KLHL3: variants seen among roughly 807,000 people sequenced by gnomAD.
KLHL3 encodes the protein kelch like family member 3.
A neutral mutation model predicts 70.5 loss-of-function variants in KLHL3; 19 were observed. The observed-to-expected ratio is 0.27, with a 90% CI of 0.19 to 0.40. The LOEUF is 0.40. KLHL3 is among the 10% of genes least tolerant of loss of function. KLHL3 has a pLI of 1.00. For missense variants in KLHL3, 512 were observed against 771.1 expected, an observed-to-expected ratio of 0.66 and a Z score of 3.98; for synonymous variants, 258 against 290.3, an observed-to-expected ratio of 0.89 and a Z score of 1.13.
At chr5:137,637,639 T>G (rs543846415) in intron 10 of KLHL3, among the ~76,000 whole-genome samples, 1 of 152,326 alleles carries the variant, frequency 6.6e-6, no homozygotes, top group East Asian at 1.9e-4. Context: ...GGGGTGTGTC[T>G]GAAATGCATG....
intron 2 of KLHL3, among the ~76,000 whole-genome samples, chr5:137,715,330 T>A (rs1752872662): frequency 6.6e-6 from 1 of 152,124 alleles, no homozygotes; most frequent in East Asian, 1.9e-4. Flanking sequence ...CAAGAAATAA[T>A]CCCAAATCCC....
chr5:137,683,136 T>C (rs1236361463), intron 5 of KLHL3, among the ~76,000 whole-genome samples: 1 of 152,170 alleles, frequency 6.6e-6, no homozygotes, highest in African/African-American at 2.4e-5. Context: ...TATCATCCTT[T>C]TAACATTGGG....
intron 8 of KLHL3, among the ~76,000 whole-genome samples, chr5:137,654,785 A>G (rs1751298219): frequency 6.6e-6 from 1 of 152,190 alleles, no homozygotes; most frequent in Admixed American, 6.5e-5. Context: ...TCATTCAGAA[A>G]ATAAATGTTT....
Position 137,645,572 on chromosome 5 carries a change from T to A in KLHL3, c.904-5595A>T, listed in dbSNP as rs545403387. On this transcript the variant is annotated intron_variant, in intron 8 of 14. Coordinates refer to ENST00000309755, the MANE Select transcript of KLHL3 (RefSeq NM_017415.3). Reference sequence around the variant, plus strand: ...CATTAACAATAGCTACAAAAAAAAATAAAATAACTAGGAATAAATTTAACC... The same window carrying A: ...CATTAACAATAGCTACAAAAAAAAAAAAAATAACTAGGAATAAATTTAACC... Among the ~76,000 whole-genome samples the A allele has an allele frequency of 5.5e-4, 83 of 150,838 alleles. 1 individual carries two copies. The East Asian group carries it at 0.015, about 28-fold the overall frequency.
At chr5:137,732,533 G>A (rs896847453) in intron 1 of KLHL3, among the ~76,000 whole-genome samples, 1 of 151,532 alleles carries the variant, frequency 6.6e-6, no homozygotes, top group Non-Finnish European at 1.5e-5. Flanking sequence ...AGCCCTATGG[G>A]GTAACTTACT....
At chr5:137,648,345 C>T (rs1479044099) in intron 8 of KLHL3, among the ~76,000 whole-genome samples, 2 of 152,242 alleles carry the variant, frequency 1.3e-5, no homozygotes, top group East Asian at 3.8e-4. Flanking sequence ...GAGCAAGCCA[C>T]CCACTTCCAG....
intron 1 of KLHL3, among the ~76,000 whole-genome samples, chr5:137,722,866 A>G (rs1001327462): frequency 1.3e-5 from 2 of 152,020 alleles, no homozygotes; most frequent in Non-Finnish European, 2.9e-5. Context: ...GGGGAGTTTC[A>G]CCATGTTGGT....
At chr5:137,715,628 C>G (rs899416548) in intron 2 of KLHL3, among the ~76,000 whole-genome samples, 2 of 152,174 alleles carry the variant, frequency 1.3e-5, no homozygotes, top group Non-Finnish European at 2.9e-5. Context: ...GTTCCTGAAC[C>G]TAGCACAGTG....
At chr5:137,631,925 A>C (rs1188735591) in intron 12 of KLHL3, among the ~76,000 whole-genome samples, 2 of 136,718 alleles carry the variant, frequency 1.5e-5, no homozygotes, top group African/African-American at 2.9e-5. Flanking sequence ...TATATACAGC[A>C]AAATGAAAGG....
intron 1 of KLHL3, among the ~76,000 whole-genome samples, chr5:137,729,406 A>G (rs1215776825): frequency 6.6e-6 from 1 of 152,212 alleles, no homozygotes; most frequent in African/African-American, 2.4e-5. Context: ...ATCATCAGAT[A>G]TCGTCAGCTG....
intron 8 of KLHL3, among the ~76,000 whole-genome samples, chr5:137,645,153 G>T (rs1284523167): frequency 6.6e-6 from 1 of 152,078 alleles, no homozygotes; most frequent in Non-Finnish European, 1.5e-5. Context: ...AGAAATAGAA[G>T]GAATGTAACT....
At chr5:137,700,849 C>T (rs1263977078) in intron 3 of KLHL3, among the ~76,000 whole-genome samples, 2 of 152,104 alleles carry the variant, frequency 1.3e-5, no homozygotes, top group African/African-American at 2.4e-5. Flanking sequence ...AAAATGACTA[C>T]ACCAAACTAA....
At chr5:137,663,661 C>T (rs1751543511) in intron 6 of KLHL3, among the ~76,000 whole-genome samples, 1 of 152,038 alleles carries the variant, frequency 6.6e-6, no homozygotes, top group Non-Finnish European at 1.5e-5. Flanking sequence ...CTTTTCGCAA[C>T]TTTATGGAAT....
At chr5:137,672,831 T>C (rs1751794862) in intron 6 of KLHL3, 1 of 152,256 alleles carries the variant, frequency 6.6e-6, no homozygotes. Context: ...TCACTGAGGA[T>C]GTTCATGGCC....
intron 1 of KLHL3, among the ~76,000 whole-genome samples, chr5:137,730,787 T>C (rs1057449523): frequency 6.6e-6 from 1 of 152,304 alleles, no homozygotes; most frequent in African/African-American, 2.4e-5. Flanking sequence ...AGCCCTTGTA[T>C]GTGTGTGGTT....
At chr5:137,659,226 A>G (rs1243149980) in intron 7 of KLHL3, among the ~76,000 whole-genome samples, 1 of 152,200 alleles carries the variant, frequency 6.6e-6, no homozygotes, top group African/African-American at 2.4e-5. Context: ...AAAATGATGA[A>G]CAAGACAAAA....
intron 6 of KLHL3, 138 bp downstream of exon 6, chr5:137,677,407 C>G: frequency 1.7e-6 from 1 of 573,826 alleles, no homozygotes; most frequent in Non-Finnish European, 3.1e-6. Context: ...GAGATCACAC[C>G]ATCGCACTCC....
chr5:137,627,388 G>C (rs751551424), intron 13 of KLHL3, among the ~76,000 whole-genome samples: 1 of 151,404 alleles, frequency 6.6e-6, no homozygotes, highest in Non-Finnish European at 1.5e-5. Context: ...GCTGCCTTAA[G>C]GGTCCTGTAA....
chr5:137,621,877 C>G lies in KLHL3; in HGVS notation c.*221G>C, dbSNP rs1750314569. 4 of 592,472 alleles carry G rather than the reference C, an allele frequency of 6.8e-6. No homozygotes were observed. The Admixed American group carries it at 1.2e-4, about 18-fold the overall frequency. 36.7% of individuals were successfully genotyped at this position (592,472 alleles called of 1,614,324 possible). A position where few individuals can be genotyped will look rare whatever the true frequency, so the allele number is the denominator to read the frequency against. ...GTGCTGCCTGGGGATGTCAAGACCC[C>G]CCTTGCTCAGGGCATAGGCCAGAGC... On this transcript the variant is annotated 3_prime_UTR_variant, in exon 15 of 15. Transcript: ENST00000309755.
Sources: allele counts gnomAD v4.1 joint callset (sites outside exome capture counted in the v4.1 genomes callset), GRCh38; gene constraint gnomAD v4.1.1; transcripts MANE v1.5; gene names NCBI Gene and HGNC (gene_info 2026-07-23, HGNC 2026-07-21).